The following PES1 variants were observed in gnomAD, a reference collection of about 807,000 sequenced individuals.
PES1 encodes pescadillo homolog.
Under a neutral mutation model 77.1 loss-of-function variants are expected in PES1, and 31 were observed. The observed-to-expected ratio is 0.40, with a 90% CI of 0.30 to 0.54. PES1 has a LOEUF of 0.54. Among genes scored for constraint, PES1 ranks in the 20% least tolerant of loss-of-function variants. The pLI, the probability that PES1 is intolerant of heterozygous loss-of-function variation, is 0.45. For synonymous variants in PES1, 282 were observed against 303.0 expected (o/e 0.93, Z 0.72); for missense variants, 658 against 771.7 (o/e 0.85, Z 1.75).
rs1410030996 is a variant in PES1, at chr22:30,606,816, C to T, written c.-725G>A. ...TCCAGCAATGCTGCTCACGTGACCA[C>T]TGCAGCTGCAGCTCCCGTTCCACTC... On this transcript the variant is annotated 5_prime_UTR_variant, in exon 1 of 17. Transcript: ENST00000402281. The T allele has an allele frequency of 5.0e-6, 5 of 1,000,992 alleles. No homozygotes were observed. In the African/African-American group the frequency reaches 8.7e-5, roughly 17 times the overall value. The allele number at this position is 1,000,992 out of a possible 1,614,324, so 62.0% of individuals were successfully genotyped here. A position where few individuals can be genotyped will look rare whatever the true frequency, so the allele number is the denominator to read the frequency against.
upstream of PES1, among the ~76,000 whole-genome samples, chr22:30,592,945 T>C (rs551117077): frequency 1.3e-5 from 2 of 149,766 alleles, no homozygotes; most frequent in East Asian, 3.9e-4. Flanking sequence ...AGTCTGGAAG[T>C]AGATGCAATT....
At chr22:30,601,547 C>T (rs531529326) in intron 2 of PES1, among the ~76,000 whole-genome samples, 3 of 152,022 alleles carry the variant, frequency 2.0e-5, no homozygotes, top group Admixed American at 2.0e-4. Flanking sequence ...TCTTGCCCCT[C>T]AAGTGATCTG....
At chr22:30,584,495 T>C in intron 5 of PES1, 41 bp from the exon 6 acceptor site, 1 of 1,608,918 alleles carries the variant, frequency 6.2e-7, no homozygotes, top group Non-Finnish European at 8.5e-7. Flanking sequence ...GACCATGGGG[T>C]GGCAGGAGAG....
rs768426183 is a variant in PES1 at position 30,580,082 on chromosome 22, C to T, written c.1140G>A (p.Arg380=). The T allele has an allele frequency of 3.0e-5, 49 of 1,614,024 alleles. No individual in the cohort carries two copies. Among genetic ancestry groups the T allele is most frequent in the Non-Finnish European group, 4.0e-5 (47 of 1,180,014 alleles). The change falls in exon 11 of 15, where the codon CGG becomes CGA. Residue 380 remains arginine, a synonymous_variant. Coordinates refer to ENST00000354694, the MANE Select transcript of PES1 (RefSeq NM_014303.4). The part of the protein sequence containing the change: ...DSRITHQIVD[R]PGQQTSVIGR... ...CAATGACTGAGGTCTGCTGCCCAGG[C>T]CGGTCGACAATCTGATGGGTGATGC...
At chr22:30,592,788 C>G (rs2087203249), upstream of PES1, among the ~76,000 whole-genome samples, 1 of 152,140 alleles carries the variant, frequency 6.6e-6, no homozygotes, top group Non-Finnish European at 1.5e-5. Flanking sequence ...CAGAGTGAGA[C>G]TCCATCTCAA....
chr22:30,602,829 C>G (rs1015019551), intron 2 of PES1, among the ~76,000 whole-genome samples: 2 of 152,148 alleles, frequency 1.3e-5, no homozygotes, highest in African/African-American at 4.8e-5. Flanking sequence ...ATATAGACAT[C>G]CAATTGTTCC....
intron 3 of PES1, 29 bp from the exon 4 acceptor site, chr22:30,587,424 G>C (rs778250838): frequency 1.5e-5 from 23 of 1,530,724 alleles, no homozygotes; most frequent in African/African-American, 2.7e-5. Context: ...ACACCTCAAT[G>C]CTGAGGCTCA....
At chr22:30,601,105 T>C (rs373152255) in intron 2 of PES1, among the ~76,000 whole-genome samples, 4 of 152,186 alleles carry the variant, frequency 2.6e-5, no homozygotes, top group Non-Finnish European at 5.9e-5. Context: ...CCTCGAGTTA[T>C]ATATCATCAC....
intron 2 of PES1, among the ~76,000 whole-genome samples, chr22:30,597,691 G>A (rs935957649): frequency 6.6e-6 from 1 of 151,554 alleles, no homozygotes; most frequent in Non-Finnish European, 1.5e-5. Flanking sequence ...TCTAGCACAG[G>A]GATTGTAAAC....
chr22:30,591,937 G>A (rs1269140003), upstream of PES1: 6 of 1,456,372 alleles, frequency 4.1e-6, no homozygotes, highest in Admixed American at 7.9e-5. Flanking sequence ...ACCCCACGCT[G>A]TCTGTTTGTG....
upstream of PES1, among the ~76,000 whole-genome samples, chr22:30,595,940 A>G (rs1431454958): frequency 2.0e-5 from 3 of 152,204 alleles, no homozygotes; most frequent in African/African-American, 7.2e-5. Context: ...CTAACGGGAC[A>G]GTCTCTAGCC....
intron 2 of PES1, among the ~76,000 whole-genome samples, chr22:30,598,753 G>C (rs2087305090): frequency 6.6e-6 from 1 of 151,820 alleles, no homozygotes; most frequent in South Asian, 2.1e-4. Flanking sequence ...TTTTATTTGT[G>C]TATATATGTG....
chr22:30,585,364 G>C (rs2087065801), intron 4 of PES1: 1 of 471,124 alleles, frequency 2.1e-6, no homozygotes, highest in Non-Finnish European at 4.4e-6. Context: ...GGCACTGTGT[G>C]GCTGCCCTGT....
At chr22:30,595,441 G>C (rs550714201), upstream of PES1, among the ~76,000 whole-genome samples, 2 of 151,064 alleles carry the variant, frequency 1.3e-5, no homozygotes, top group South Asian at 2.1e-4. Flanking sequence ...AGGAGGCTGA[G>C]GCAGAAGAAT....
chr22:30,592,115 G>A (rs1454349735), upstream of PES1: 6 of 1,264,764 alleles, frequency 4.7e-6, no homozygotes, highest in Non-Finnish European at 6.0e-6. Context: ...TGGATATACA[G>A]GCTTTTCTGT....
chr22:30,577,233 G>A (rs957937353), intron 14 of PES1, 104 bp from the exon 15 acceptor site: 2 of 975,360 alleles, frequency 2.1e-6, no homozygotes, highest in African/African-American at 1.6e-5. Context: ...TTCAAGAAAA[G>A]GTCACAAATT....
chr22:30,591,739 AAG>A (rs1486190328), intron 1 of PES1, 69 bp downstream of exon 1: 2 of 1,508,320 alleles, frequency 1.3e-6, no homozygotes, highest in Non-Finnish European at 1.8e-6. Flanking sequence ...AGCCCGGGAA[AAG>A]AGTCGACCCC....
At chr22:30,586,225 G>A (rs1347631761) in intron 4 of PES1, among the ~76,000 whole-genome samples, 1 of 152,158 alleles carries the variant, frequency 6.6e-6, no homozygotes, top group East Asian at 1.9e-4. Flanking sequence ...GTGTGCCACA[G>A]GCAGGACAGG....
upstream of PES1, among the ~76,000 whole-genome samples, chr22:30,595,147 A>G (rs12484655): frequency 0.016 from 2,501 of 152,232 alleles, 30 homozygotes; most frequent in Non-Finnish European, 0.022. Flanking sequence ...CCTGGCACCA[A>G]CAAGGACTCT....
Sources: gnomAD v4.1 joint callset for allele counts (sites outside exome capture counted in the v4.1 genomes callset) on GRCh38, gnomAD v4.1.1 for gene constraint, MANE v1.5 for transcripts, NCBI Gene and HGNC (gene_info 2026-07-23, HGNC 2026-07-21) for gene names.